The following RARS2 variants were observed in gnomAD, a reference collection of about 807,000 sequenced individuals.
The protein encoded by RARS2 is arginyl-tRNA synthetase 2, mitochondrial, also known as probable arginine--tRNA ligase, mitochondrial.
Under a neutral mutation model 88.5 loss-of-function variants are expected in RARS2, and 67 were observed. That is an observed-to-expected ratio of 0.76 (90% CI 0.62 to 0.93). RARS2 has a LOEUF of 0.93. Ranked by LOEUF, RARS2 falls within the 40% of genes least tolerant of loss-of-function variation. The pLI, the probability that RARS2 is intolerant of heterozygous loss-of-function variation, is 0.00. For synonymous variants in RARS2, 239 were observed against 230.3 expected (o/e 1.04, Z -0.34); for missense variants, 664 against 684.2 (o/e 0.97, Z 0.33).
chr6:87,584,779 G>A (rs1388565292), intron 1 of RARS2: 1 of 453,886 alleles, frequency 2.2e-6, no homozygotes, highest in Non-Finnish European at 4.4e-6. Context: ...TAAGAGACAA[G>A]ATGATGAATC....
chr6:87,587,545 T>C (rs1377616936), intron 1 of RARS2, among the ~76,000 whole-genome samples: 6 of 152,206 alleles, frequency 3.9e-5, no homozygotes, highest in African/African-American at 7.2e-5. Flanking sequence ...GAGCACAGTA[T>C]ATAGGAAAGA....
intron 1 of RARS2, among the ~76,000 whole-genome samples, chr6:87,575,343 G>C (rs1771150427): frequency 6.6e-6 from 1 of 151,232 alleles, no homozygotes. Flanking sequence ...TTTGGGAGAT[G>C]GTTCCTGAGG....
chr6:87,575,024 CAGGA>C lies in RARS2; in HGVS notation c.37-5438_37-5435del, dbSNP rs200254173. Among the ~76,000 whole-genome samples the C allele has an allele frequency of 1.6e-3, 236 of 151,886 alleles. 5 individuals are homozygous for C. The East Asian group carries it at 0.044, about 28-fold the overall frequency. ...GAAGACTAGCAAACAAACATGCAGA[CAGGA>C]AGGAAGGAAGGTAGACTGCTTCCCT... On this transcript the variant is annotated intron_variant, in intron 1 of 19. Transcript: ENST00000369536.
rs184305359 is a variant in RARS2, at chr6:87,540,459, A to C, written c.612+1459T>G. On this transcript the variant is annotated intron_variant, in intron 8 of 19. Coordinates refer to ENST00000369536, the MANE Select transcript of RARS2 (RefSeq NM_020320.5). ...TGTGAGACTCCTCAAAAAAAAAAAA[A>C]AAAAAAAAAAACTGGAATATGTTTT... Among the ~76,000 whole-genome samples, 271 of 151,954 alleles carry C rather than the reference A, an allele frequency of 1.8e-3. 9 individuals are homozygous for C. The East Asian group carries it at 0.049, about 28-fold the overall frequency.
chr6:87,576,274 CT>C lies in RARS2; in HGVS notation c.37-6685del, dbSNP rs55999428. Among the ~76,000 whole-genome samples, 167 of 80,788 alleles carry C rather than the reference CT, an allele frequency of 2.1e-3. 7 individuals are homozygous for C. Among genetic ancestry groups the C allele is most frequent in the East Asian group, 5.7e-3 (17 of 2,974 alleles). 53.0% of individuals were successfully genotyped at this position (80,788 alleles called of 152,430 possible). Reference sequence around the variant, plus strand: ...TTACAGGTATAATAAACACAAATTTCTTTTTTTTTTTTTTTTTTTTGAGACG... The same window carrying C: ...TTACAGGTATAATAAACACAAATTTCTTTTTTTTTTTTTTTTTTTGAGACG... On this transcript the variant is annotated intron_variant, in intron 1 of 19. Coordinates refer to ENST00000369536, the MANE Select transcript of RARS2 (RefSeq NM_020320.5).
intron 5 of RARS2, among the ~76,000 whole-genome samples, chr6:87,550,558 A>C (rs933724509): frequency 1.3e-5 from 2 of 151,924 alleles, no homozygotes; most frequent in Admixed American, 6.6e-5. Context: ...GAAATAAAAA[A>C]CCCCAGAAAA....
chr6:87,589,745 C>T (rs1776429003), intron 1 of RARS2, 177 bp downstream of exon 1: 6 of 985,240 alleles, frequency 6.1e-6, no homozygotes, highest in Non-Finnish European at 7.2e-6. Flanking sequence ...TCCCAGCCGA[C>T]GCTCCACAGG....
rs1776539240 is a variant in RARS2 at position 87,589,951 on chromosome 6, A to G, written c.7T>C (p.Cys3Arg). MA[C>R]GFRRAIACQL... Reference sequence around the variant, plus strand: ...CAAGCAATAGCGCGGCGAAAGCCGCACGCCATGTCCACCTCTACGGAAGTG... The same window carrying G: ...CAAGCAATAGCGCGGCGAAAGCCGCGCGCCATGTCCACCTCTACGGAAGTG... The change falls in exon 1 of 20, where the codon TGC becomes CGC. Residue 3 changes from cysteine to arginine, a missense_variant. Transcript: ENST00000369536. 1.2e-6 allele frequency: 2 copies of G among 1,614,204 alleles called. No individual in the cohort carries two copies. The highest frequency in any genetic ancestry group is 1.1e-5 in the South Asian group (1 of 91,092).
intron 1 of RARS2, among the ~76,000 whole-genome samples, chr6:87,576,419 G>GGCGCCCGCTACC (rs1771573165): frequency 9.1e-6 from 1 of 110,320 alleles, no homozygotes; most frequent in African/African-American, 3.4e-5. Context: ...TGGGACTACA[G>GGCGCCCGCTACC]GCGCCCGCTA....
chr6:87,528,246 A>C (rs1055882026), intron 10 of RARS2, among the ~76,000 whole-genome samples: 22 of 150,682 alleles, frequency 1.5e-4, no homozygotes, highest in East Asian at 1.2e-3. Flanking sequence ...TTATAACAAA[A>C]AAAAAAAAAA....
chr6:87,518,877 T>G lies in RARS2; in HGVS notation c.1252A>C (p.Lys418Gln). The part of the protein sequence containing the change: ...MASIKTTKEL[K>Q]NPQETAERVG... ...CTCTCTGCAGTCTCTTGTGGGTTCT[T>G]GAGTTCTTTAGTTGCTGAAACAGAC... The change falls in exon 15 of 20, where the codon AAG becomes CAG. Residue 418 changes from lysine to glutamine, a missense_variant. Physicochemically the swap from Lys to Gln is moderately conservative, Grantham distance 53. Coordinates refer to ENST00000369536, the MANE Select transcript of RARS2 (RefSeq NM_020320.5). 1.2e-6 allele frequency: 2 copies of G among 1,614,076 alleles called. No individual in the cohort carries two copies. Among genetic ancestry groups the G allele is most frequent in the Non-Finnish European group, 1.7e-6 (2 of 1,179,980 alleles).
chr6:87,545,923 C>T (rs183640252), intron 6 of RARS2, among the ~76,000 whole-genome samples: 1 of 151,868 alleles, frequency 6.6e-6, no homozygotes, highest in Admixed American at 6.6e-5. Flanking sequence ...CACATTTTCA[C>T]AGTAACAGAA....
Position 87,521,511 on chromosome 6 carries a change from CAGCTG to C in RARS2, c.983_987del (p.Ala328GlyfsTer9). 6.2e-7 allele frequency: 1 copy of C among 1,612,164 alleles called. No homozygotes were observed. The highest frequency in any genetic ancestry group is 1.3e-5 in the African/African-American group (1 of 74,966). On this transcript the variant is annotated frameshift_variant, in exon 12 of 20. Transcript: ENST00000369536. LOFTEE classifies it high-confidence loss of function. ...TTATACTTGTCCATTCGATCTATAG[CAGCTG>C]CAAGATCTCTGAAACAAAGTGGCCA...
chr6:87,564,097 C>T, intron 3 of RARS2, 33 bp downstream of exon 3: 2 of 1,496,376 alleles, frequency 1.3e-6, no homozygotes, highest in South Asian at 2.3e-5. Context: ...AAGTTTATTA[C>T]AATGTCAAAA....
At chr6:87,523,162 A>AT in intron 11 of RARS2, among the ~76,000 whole-genome samples, 1 of 152,284 alleles carries the variant, frequency 6.6e-6, no homozygotes, top group Non-Finnish European at 1.5e-5. Flanking sequence ...ACAAAGGGAA[A>AT]TTTTTTGATT....
chr6:87,558,984 G>A (rs34395299), intron 4 of RARS2, among the ~76,000 whole-genome samples: 10,941 of 152,236 alleles, frequency 0.072, 549 homozygotes, highest in African/African-American at 0.15. Context: ...AAGATGTGGA[G>A]GTGAAGACAG....
At chr6:87,576,986 A>G (rs1374505369) in intron 1 of RARS2, among the ~76,000 whole-genome samples, 2 of 152,256 alleles carry the variant, frequency 1.3e-5, no homozygotes, top group East Asian at 1.9e-4. Flanking sequence ...CATTCGATAA[A>G]GAAGTTGCAA....
chr6:87,548,522 C>G, intron 6 of RARS2, 69 bp downstream of exon 6: 4 of 1,456,820 alleles, frequency 2.7e-6, no homozygotes, highest in Non-Finnish European at 3.8e-6. Context: ...AGCATTAAAA[C>G]ATTAAATTGA....
In RARS2 at chr6:87,586,916, ATTTATTTT is replaced by A. The variant is rs1485951436; in HGVS notation, c.36+2998_36+3005del. Among the ~76,000 whole-genome samples, 70 of 98,564 alleles carry A rather than the reference ATTTATTTT, an allele frequency of 7.1e-4. 1 individual carries two copies. The highest frequency in any genetic ancestry group is 2.6e-3 in the African/African-American group (69 of 26,552). The allele number at this position is 98,564 out of a possible 152,430, so 64.7% of individuals were successfully genotyped here. A position where few individuals can be genotyped will look rare whatever the true frequency, so the allele number is the denominator to read the frequency against. ...TATTTATTTATTTATTTATTTATTT[ATTTATTTT>A]TTGAGACAGGGTCTTGCTTTACCAC... On this transcript the variant is annotated intron_variant, in intron 1 of 19. Coordinates refer to ENST00000369536, the MANE Select transcript of RARS2 (RefSeq NM_020320.5).
Sources: gnomAD v4.1 joint callset for allele counts (sites outside exome capture counted in the v4.1 genomes callset) on GRCh38, gnomAD v4.1.1 for gene constraint, MANE v1.5 for transcripts, NCBI Gene and HGNC (gene_info 2026-07-23, HGNC 2026-07-21) for gene names.